Variants in VIPR2 observed in about 807,000 individuals in gnomAD.
VIPR2 encodes the protein vasoactive intestinal peptide receptor 2.
In VIPR2, 48 loss-of-function variants were observed where a neutral mutation model predicts 58.0. That is an observed-to-expected ratio of 0.83 (90% CI 0.66 to 1.05). VIPR2 has a LOEUF of 1.05. VIPR2 is among the 50% of genes least tolerant of loss of function. The pLI is 0.00. For synonymous variants in VIPR2, 243 were observed against 235.2 expected, an observed-to-expected ratio of 1.03 and a Z score of -0.30; for missense variants, 534 against 558.0, an observed-to-expected ratio of 0.96 and a Z score of 0.43.
chr7:159,138,894 G>C (rs1797340964), intron 2 of VIPR2, among the ~76,000 whole-genome samples: 2 of 152,172 alleles, frequency 1.3e-5, no homozygotes, highest in African/African-American at 2.4e-5. Context: ...TCATTAATTT[G>C]TTCAGCAAAA....
chr7:159,144,755 G>A lies in VIPR2; in HGVS notation c.17C>T (p.Pro6Leu), dbSNP rs1797623120. The A allele has an allele frequency of 4.7e-6, 6 of 1,273,142 alleles. No individual in the cohort carries two copies. Among genetic ancestry groups the A allele is most frequent in the Non-Finnish European group, 4.9e-6 (5 of 1,011,380 alleles). The allele number at this position is 1,273,142 out of a possible 1,614,324, so 78.9% of individuals were successfully genotyped here. A position where few individuals can be genotyped will look rare whatever the true frequency, so the allele number is the denominator to read the frequency against. Residue 6 changes from proline to leucine, a missense_variant, in exon 1 of 13, where the codon CCT becomes CTT. By Grantham distance (98) the Pro-to-Leu change is moderately conservative (BLOSUM62 -3). Transcript: ENST00000262178. ...CAGCCAGCAGGTCAGCAGCGCGGGA[G>A]GCAGCAGCGTCCGCATCCCGAGCTC... MRTLL[P>L]PALLTCWLLA...
chr7:159,092,006 C>T (rs775439128), intron 4 of VIPR2, among the ~76,000 whole-genome samples: 1 of 152,194 alleles, frequency 6.6e-6, no homozygotes, highest in Non-Finnish European at 1.5e-5. Context: ...GCACGAGAAT[C>T]GCTTGAACCT....
intron 5 of VIPR2, among the ~76,000 whole-genome samples, chr7:159,045,997 A>G (rs1241937768): frequency 6.6e-6 from 1 of 152,002 alleles, no homozygotes; most frequent in African/African-American, 2.4e-5. Flanking sequence ...CAATAAGCAC[A>G]TAAAACCATA....
chr7:159,030,748 C>A lies in VIPR2; in HGVS notation c.1185G>T (p.Pro395=), dbSNP rs756808763. The A allele has an allele frequency of 1.3e-6, 2 of 1,589,258 alleles. No homozygotes were observed. Among genetic ancestry groups the A allele is most frequent in the Admixed American group, 1.7e-5 (1 of 57,274 alleles). Residue 395 remains proline, a synonymous_variant, in exon 13 of 13, where the codon CCG becomes CCT. Coordinates refer to ENST00000262178, the MANE Select transcript of VIPR2 (RefSeq NM_003382.5). The stretch of plus-strand genomic sequence containing the variant: ...TGTAATCCCGGCTCGCGGACGGGGT[C>A]GGGCACCGGCTTCGCCATTTTCGCT... ...ELKRKWRSRC[P]TPSASRDYRV...
At position 159,029,119 on chromosome 7, in the gene VIPR2, C is replaced by A. The variant is rs1853395139; in HGVS notation, c.*1497G>T. 6.6e-6 allele frequency: 1 copy of A among 152,258 alleles called. No homozygotes were observed. The highest frequency in any genetic ancestry group is 2.4e-5 in the African/African-American group (1 of 41,464). The allele number at this position is 152,258 out of a possible 1,614,324, so 9.4% of individuals were successfully genotyped here. ...TGTGTGAGCTTCCCTGTGGCTGCCT[C>A]CCGGCACAGCTGTCCCGACCTTTGA... On this transcript the variant is annotated 3_prime_UTR_variant, in exon 13 of 13. Coordinates refer to ENST00000262178, the MANE Select transcript of VIPR2 (RefSeq NM_003382.5).
At chr7:159,121,605 A>G (rs1166896260) in intron 2 of VIPR2, among the ~76,000 whole-genome samples, 1 of 152,218 alleles carries the variant, frequency 6.6e-6, no homozygotes, top group African/African-American at 2.4e-5. Flanking sequence ...CCCACTTAAT[A>G]TATCATGCAT....
chr7:159,063,603 TC>T lies in VIPR2; in HGVS notation c.358-5026del, dbSNP rs576426125. Among the ~76,000 whole-genome samples the T allele has an allele frequency of 6.1e-3, 918 of 150,752 alleles. 8 individuals carry two copies. The highest frequency in any genetic ancestry group is 0.021 in the African/African-American group (870 of 40,960). On this transcript the variant is annotated intron_variant, in intron 4 of 12. Coordinates refer to ENST00000262178, the MANE Select transcript of VIPR2 (RefSeq NM_003382.5). ...ACAGTGCAGCGGCGGGCTGAAGCGC[TC>T]CTCAAGCGCGGCCAGAGTGGGCACC...
In VIPR2 at chr7:159,031,848, A is replaced by G. The variant is rs2129492719; in HGVS notation, c.1123T>C (p.Tyr375His). 1 of 1,614,088 alleles carries G rather than the reference A, an allele frequency of 6.2e-7. No individual in the cohort carries two copies. Among genetic ancestry groups the G allele is most frequent in the East Asian group, 2.2e-5 (1 of 44,862 alleles). The change falls in exon 12 of 13, where the codon TAC becomes CAC. Residue 375 changes from tyrosine (Y) to histidine (H), a missense_variant. Transcript: ENST00000262178. This position sits in a 1 kb window ranked among gnomAD's most constrained non-coding sequence, Gnocchi z 4.0. ...CTTACCTCACTGTTCAGGAAACAGT[A>G]GAGGACGGCCACCACCAGGCCCTGC... ...SFQGLVVAVL[Y>H]CFLNSEVQCE... is the part of the protein sequence containing the mutation.
intron 5 of VIPR2, among the ~76,000 whole-genome samples, chr7:159,053,369 A>C (rs558461033): frequency 2.0e-4 from 30 of 152,360 alleles, no homozygotes; most frequent in Admixed American, 1.2e-3. Context: ...ATTATGTGTA[A>C]GACTTCCACT....
Position 159,093,052 on chromosome 7 carries a change from T to C in VIPR2, c.357+10705A>G, listed in dbSNP as rs1857592640. ...AAGGCAGGTGGAACAAGCCATCCAC[T>C]TCTGCACTGGTGCCGTCCACTCAGA... On this transcript the variant is annotated intron_variant, in intron 4 of 12. Coordinates refer to ENST00000262178, the MANE Select transcript of VIPR2 (RefSeq NM_003382.5). The surrounding 1 kb of genome is among the most constrained non-coding windows in gnomAD (Gnocchi z 6.7). Among the ~76,000 whole-genome samples the C allele has an allele frequency of 6.6e-6, 1 of 152,122 alleles. No homozygotes were observed. The highest frequency in any genetic ancestry group is 2.1e-4 in the South Asian group (1 of 4,834).
rs1033757314 is a variant in VIPR2, at chr7:159,031,180, G to C, written c.1144-391C>G. Among the ~76,000 whole-genome samples the C allele has an allele frequency of 3.3e-5, 5 of 152,214 alleles. No individual in the cohort carries two copies. Among genetic ancestry groups the C allele is most frequent in the African/African-American group, 4.8e-5 (2 of 41,470 alleles). On this transcript the variant is annotated intron_variant, in intron 12 of 12. Coordinates refer to ENST00000262178, the MANE Select transcript of VIPR2 (RefSeq NM_003382.5). This position sits in a 1 kb window ranked among gnomAD's most constrained non-coding sequence, Gnocchi z 4.0. The stretch of plus-strand genomic sequence containing the variant: ...GGGCAGGGAATGTTAGCCCTGGGAG[G>C]GGGTGGGGATGAGTGAGGGGTGCCC...
chr7:159,125,082 A>C (rs1796604171), intron 2 of VIPR2, among the ~76,000 whole-genome samples: 1 of 152,210 alleles, frequency 6.6e-6, no homozygotes, highest in South Asian at 2.1e-4. Flanking sequence ...CATCTGCAAA[A>C]GGGGTAAGTT....
At chr7:159,117,332 C>G in intron 2 of VIPR2, 4 of 717,452 alleles carry the variant, frequency 5.6e-6, no homozygotes, top group Non-Finnish European at 1.0e-5. Context: ...GGTCATGGAG[C>G]CAATGGGTAG....
At chr7:159,101,108 G>A (rs1248259840) in intron 4 of VIPR2, among the ~76,000 whole-genome samples, 1 of 147,534 alleles carries the variant, frequency 6.8e-6, no homozygotes, top group Non-Finnish European at 1.5e-5. Flanking sequence ...GATCCGACGA[G>A]GCGGTTCCGA....
intron 2 of VIPR2, among the ~76,000 whole-genome samples, chr7:159,110,471 A>G (rs961006027): frequency 2.6e-5 from 4 of 152,232 alleles, no homozygotes; most frequent in Non-Finnish European, 5.9e-5. Flanking sequence ...CCACCTGGTG[A>G]AGGTTAGATA....
rs1450744116 is a variant in VIPR2, at chr7:159,099,717, A to G, written c.357+4040T>C. ...CGGCTAGGTGCAGACGAAGATGAAG[A>G]CTCAGAGGTGGTGCCTCCAACACAC... On this transcript the variant is annotated intron_variant, in intron 4 of 12. Coordinates refer to ENST00000262178, the MANE Select transcript of VIPR2 (RefSeq NM_003382.5). The surrounding 1 kb of genome is among the most constrained non-coding windows in gnomAD (Gnocchi z 4.2). 6.6e-6 allele frequency among the ~76,000 whole-genome samples: 1 copy of G among 151,854 alleles called. No homozygotes were observed. Among genetic ancestry groups the G allele is most frequent in the Non-Finnish European group, 1.5e-5 (1 of 67,952 alleles).
intron 4 of VIPR2, among the ~76,000 whole-genome samples, chr7:159,077,615 C>A (rs1856703472): frequency 6.6e-6 from 1 of 151,364 alleles, no homozygotes; most frequent in Non-Finnish European, 1.5e-5. Context: ...TTATCAGATT[C>A]TAGCCCTGTT....
Position 159,114,073 on chromosome 7 carries a change from T to C in VIPR2, c.152-4154A>G, listed in dbSNP as rs1176922883. On this transcript the variant is annotated intron_variant, in intron 2 of 12. Coordinates refer to ENST00000262178, the MANE Select transcript of VIPR2 (RefSeq NM_003382.5). ...CTAGCATTTAAAGTGTATCATTATA[T>C]TAAGATACCCATTTTTAAATGTTTA... Among the ~76,000 whole-genome samples, 3 of 152,194 alleles carry C rather than the reference T, an allele frequency of 2.0e-5. No homozygotes were observed. In the East Asian group the frequency reaches 5.8e-4, roughly 29 times the overall value.
At chr7:159,038,739 C>T (rs1463682534) in intron 6 of VIPR2, among the ~76,000 whole-genome samples, 1 of 151,972 alleles carries the variant, frequency 6.6e-6, no homozygotes, top group African/African-American at 2.4e-5. Flanking sequence ...ATAGAAACCT[C>T]TTAACCAAGA....
Sources: allele counts gnomAD v4.1 joint callset (sites outside exome capture counted in the v4.1 genomes callset), GRCh38; gene constraint gnomAD v4.1.1; non-coding constraint Gnocchi (gnomAD v3.1); transcripts MANE v1.5; gene names NCBI Gene and HGNC (gene_info 2026-07-23, HGNC 2026-07-21).